The following PLEKHA6 variants were observed in gnomAD, a reference collection of about 807,000 sequenced individuals.
The protein encoded by PLEKHA6 is pleckstrin homology domain containing A6.
In PLEKHA6, 60 loss-of-function variants were observed where a neutral mutation model predicts 116.7. The ratio of observed to expected loss-of-function variants is 0.51; its 90% CI spans 0.42 to 0.64. The LOEUF (loss-of-function observed/expected upper bound fraction) is 0.64. PLEKHA6 is among the 30% of genes least tolerant of loss of function. PLEKHA6 has a pLI of 0.00. For synonymous variants in PLEKHA6, 489 were observed against 556.1 expected (o/e 0.88, Z 1.70); for missense variants, 1,338 against 1,422.7 (o/e 0.94, Z 0.96).
chr1:204,359,493 G>T, intron 1 of PLEKHA6: 1 of 425,156 alleles, frequency 2.4e-6, no homozygotes. Context: ...GGTGGGGGTG[G>T]GGGCACAGGG....
At chr1:204,243,142 T>C in intron 15 of PLEKHA6, 1 of 399,162 alleles carries the variant, frequency 2.5e-6, no homozygotes, top group Non-Finnish European at 4.4e-6. Context: ...GCCACTGCGG[T>C]GCCAGGAAGG....
At chr1:204,338,268 CAG>C (rs749028971) in intron 1 of PLEKHA6, among the ~76,000 whole-genome samples, 6 of 152,166 alleles carry the variant, frequency 3.9e-5, no homozygotes, top group Non-Finnish European at 7.3e-5. Flanking sequence ...AGTCCCTTCC[CAG>C]TGGCTGCCAC....
chr1:204,361,151 G>T (rs1460247906), upstream of PLEKHA6, among the ~76,000 whole-genome samples: 3 of 152,116 alleles, frequency 2.0e-5, no homozygotes, highest in Non-Finnish European at 4.4e-5. Context: ...CAAGAAGCAG[G>T]AGCTAGAGAA....
At chr1:204,240,092 G>C (rs1662590482) in intron 17 of PLEKHA6, among the ~76,000 whole-genome samples, 1 of 152,200 alleles carries the variant, frequency 6.6e-6, no homozygotes, top group African/African-American at 2.4e-5. Flanking sequence ...GTGTTGGCTA[G>C]GGTGATTGAC....
chr1:204,224,525 C>T (rs1417057588), intron 21 of PLEKHA6, among the ~76,000 whole-genome samples: 1 of 151,984 alleles, frequency 6.6e-6, no homozygotes, highest in East Asian at 1.9e-4. Flanking sequence ...TCATCACCTT[C>T]CCTGCCGTCT....
chr1:204,236,841 C>T (rs909766049), intron 17 of PLEKHA6, among the ~76,000 whole-genome samples: 6 of 152,196 alleles, frequency 3.9e-5, no homozygotes, highest in Non-Finnish European at 8.8e-5. Flanking sequence ...GAATCACAGC[C>T]TCTCAGTCAA....
chr1:204,303,289 C>T (rs944389990), intron 1 of PLEKHA6, among the ~76,000 whole-genome samples: 1 of 152,172 alleles, frequency 6.6e-6, no homozygotes, highest in Non-Finnish European at 1.5e-5. Context: ...ACCCTCTCAC[C>T]CTCTCCCCAC....
chr1:204,243,940 C>A (rs914054591), intron 15 of PLEKHA6, among the ~76,000 whole-genome samples: 1 of 152,122 alleles, frequency 6.6e-6, no homozygotes, highest in Non-Finnish European at 1.5e-5. Context: ...CCTGGCTCAG[C>A]CTCCGGAGTA....
chr1:204,312,455 C>T (rs1255046613), intron 1 of PLEKHA6, among the ~76,000 whole-genome samples: 1 of 152,330 alleles, frequency 6.6e-6, no homozygotes, highest in Non-Finnish European at 1.5e-5. Flanking sequence ...ACAAGTGGCA[C>T]ACAGTCCTGT....
intron 1 of PLEKHA6, among the ~76,000 whole-genome samples, chr1:204,333,189 A>G (rs925368170): frequency 6.6e-6 from 1 of 152,168 alleles, no homozygotes; most frequent in Non-Finnish European, 1.5e-5. Context: ...AGTGAGGAAG[A>G]AGGGGAAGGA....
At chr1:204,279,329 C>G (rs1311819790) in intron 1 of PLEKHA6, among the ~76,000 whole-genome samples, 2 of 152,158 alleles carry the variant, frequency 1.3e-5, no homozygotes, top group African/African-American at 4.8e-5. Flanking sequence ...GCTCTGAACT[C>G]CTAGGAATTA....
In PLEKHA6 at chr1:204,225,576, T is replaced by C. The variant is rs538454402; in HGVS notation, c.3032-1991A>G. 2.0e-5 allele frequency among the ~76,000 whole-genome samples: 3 copies of C among 152,350 alleles called. No individual in the cohort carries two copies. In the East Asian group the frequency reaches 5.8e-4, roughly 29 times the overall value. The stretch of plus-strand genomic sequence containing the variant: ...ACTGTACACAACATATACACAAATA[T>C]GCTTTATCATTTCCCATACTGCGGA... On this transcript the variant is annotated intron_variant, in intron 21 of 22. Coordinates refer to ENST00000272203, the MANE Select transcript of PLEKHA6 (RefSeq NM_014935.5).
At chr1:204,327,142 T>A in intron 1 of PLEKHA6, 1 of 300,138 alleles carries the variant, frequency 3.3e-6, no homozygotes, top group Non-Finnish European at 4.9e-6. Flanking sequence ...GCAAAAGAAG[T>A]AGCTCAAGGA....
At chr1:204,296,621 C>T (rs1174440281) in intron 1 of PLEKHA6, among the ~76,000 whole-genome samples, 1 of 152,252 alleles carries the variant, frequency 6.6e-6, no homozygotes, top group African/African-American at 2.4e-5. Context: ...CAGCCCTGCA[C>T]CCAGAGTTTG....
intron 1 of PLEKHA6, among the ~76,000 whole-genome samples, chr1:204,298,479 C>T (rs1670504285): frequency 6.6e-6 from 1 of 152,186 alleles, no homozygotes; most frequent in Non-Finnish European, 1.5e-5. Flanking sequence ...CGGGTCTTTT[C>T]TGCACATGGA....
chr1:204,255,792 G>A (rs936600022), intron 9 of PLEKHA6: 1 of 665,286 alleles, frequency 1.5e-6, no homozygotes, highest in Non-Finnish European at 2.7e-6. Context: ...ACAAGGACAA[G>A]GAGAGGCTTC....
intron 17 of PLEKHA6, among the ~76,000 whole-genome samples, chr1:204,234,954 TTATATA>T (rs61156938): frequency 3.8e-3 from 71 of 18,510 alleles, no homozygotes; most frequent in Non-Finnish European, 5.2e-3. Context: ...AAACTGCCCT[TTATATA>T]TATATATATA....
intron 15 of PLEKHA6, chr1:204,243,332 C>G (rs960187514): frequency 1.3e-5 from 5 of 399,398 alleles, no homozygotes; most frequent in African/African-American, 1.0e-4. Flanking sequence ...GAGAAAAGAG[C>G]GTTAGCAGGA....
At chr1:204,294,811 T>C (rs1213310579) in intron 1 of PLEKHA6, among the ~76,000 whole-genome samples, 2 of 152,162 alleles carry the variant, frequency 1.3e-5, no homozygotes, top group Non-Finnish European at 2.9e-5. Flanking sequence ...GTAAATAAGA[T>C]TATACCCACA....
Sources: allele counts gnomAD v4.1 joint callset (sites outside exome capture counted in the v4.1 genomes callset), GRCh38; gene constraint gnomAD v4.1.1; transcripts MANE v1.5; gene names NCBI Gene and HGNC (gene_info 2026-07-23, HGNC 2026-07-21).